The following MIA2 variants were observed in gnomAD, a reference collection of about 807,000 sequenced individuals.
MIA2 encodes melanoma inhibitory activity protein 2.
A neutral mutation model predicts 167.8 loss-of-function variants in MIA2; 127 were observed. The observed-to-expected ratio is 0.76, with a 90% CI of 0.66 to 0.88. The LOEUF (loss-of-function observed/expected upper bound fraction) is 0.88. Ranked by LOEUF, MIA2 falls within the 40% of genes least tolerant of loss-of-function variation. The pLI is 0.00. For missense variants in MIA2, 1,690 were observed against 1,624.7 expected (o/e 1.04, Z -0.69); for synonymous variants, 552 against 541.9 (o/e 1.02, Z -0.26).
intron 1 of MIA2, 92 bp downstream of exon 1, chr14:39,234,321 A>C: frequency 3.0e-6 from 2 of 668,252 alleles, no homozygotes; most frequent in Non-Finnish European, 5.0e-6. Flanking sequence ...AAAAATGAGT[A>C]TTGATACCAT....
Position 39,267,598 on chromosome 14 carries a change from C to T in MIA2, c.1888-9336C>T. The T allele has an allele frequency of 3.2e-6, 5 of 1,549,802 alleles. No homozygotes were observed. The East Asian group carries it at 6.9e-5, about 21-fold the overall frequency. ...CCGGGGGAAGGAAGCAGTAGACCGG[C>T]TTTGGGGTCTAAGCCGCCGTGGTCA... On this transcript the variant is annotated intron_variant, in intron 6 of 28. Coordinates refer to ENST00000640607, the MANE Select transcript of MIA2 (RefSeq NM_001329214.4).
chr14:39,260,992 T>TC (rs2055075682), intron 6 of MIA2, among the ~76,000 whole-genome samples: 1 of 152,086 alleles, frequency 6.6e-6, no homozygotes, highest in African/African-American at 2.4e-5. Context: ...TGTTTTTTTT[T>TC]CTTTTTTTAA....
At chr14:39,267,115 GGCTGTCCGC>G in intron 6 of MIA2, 1 of 1,129,686 alleles carries the variant, frequency 8.9e-7, no homozygotes, top group East Asian at 6.3e-5. Flanking sequence ...GGAAGTTTGC[GGCTGTCCGC>G]GCCTCCCCGC....
rs565387185 is a variant in MIA2 at position 39,269,040 on chromosome 14, C to CTCTAGTCT, written c.1888-7893_1888-7886dup. On this transcript the variant is annotated intron_variant, in intron 6 of 28. Coordinates refer to ENST00000640607, the MANE Select transcript of MIA2 (RefSeq NM_001329214.4). ...AAATGCAGCCAGATTTTGCAGTTTTCTCTAGTCTGGTGCGTTGTATCTTCA... is the reference window on the plus strand; with the variant it reads ...AAATGCAGCCAGATTTTGCAGTTTTCTCTAGTCTTCTAGTCTGGTGCGTTGTATCTTCA... 1.5e-5 allele frequency: 13 copies of CTCTAGTCT among 858,036 alleles called. 1 individual carries two copies. The South Asian group carries it at 7.1e-4, about 47-fold the overall frequency. 53.2% of individuals were successfully genotyped at this position (858,036 alleles called of 1,614,324 possible).
chr14:39,268,804 AAT>A (rs1253848221), intron 6 of MIA2, among the ~76,000 whole-genome samples: 1 of 152,212 alleles, frequency 6.6e-6, no homozygotes, highest in Non-Finnish European at 1.5e-5. Flanking sequence ...TAAGAGCTAA[AAT>A]ATGTTTGACT....
At chr14:39,252,053 A>G (rs1315155503) in intron 4 of MIA2, among the ~76,000 whole-genome samples, 6 of 111,990 alleles carry the variant, frequency 5.4e-5, no homozygotes, top group African/African-American at 2.6e-4. Flanking sequence ...TTTTAAAAGT[A>G]ATTTTTAGGA....
chr14:39,331,356 C>T (rs2068831491), intron 25 of MIA2, among the ~76,000 whole-genome samples: 1 of 152,154 alleles, frequency 6.6e-6, no homozygotes, highest in Admixed American at 6.5e-5. Flanking sequence ...TGTCTATGCA[C>T]ATGAGATGGG....
At chr14:39,266,662 C>T (rs1423849696) in intron 6 of MIA2, 4 of 985,452 alleles carry the variant, frequency 4.1e-6, no homozygotes, top group Non-Finnish European at 4.8e-6. Flanking sequence ...CCGGCGCGTG[C>T]CCCGCAGGCC....
At chr14:39,238,185 T>C (rs532048330) in intron 2 of MIA2, among the ~76,000 whole-genome samples, 18 of 151,892 alleles carry the variant, frequency 1.2e-4, no homozygotes, top group African/African-American at 2.9e-4. Context: ...AAGTTTTTTT[T>C]TTTTATTGAG....
In MIA2 at chr14:39,285,606, G is replaced by A. The variant is rs1464872969; in HGVS notation, c.2131-5413G>A. On this transcript the variant is annotated intron_variant, in intron 9 of 28. Coordinates refer to ENST00000640607, the MANE Select transcript of MIA2 (RefSeq NM_001329214.4). The stretch of plus-strand genomic sequence containing the variant: ...TCCCTCCCGGACGGGGCGGCTGGCC[G>A]GGCGGGGGCTGCCCCCCACCTCCCT... 4.7e-5 allele frequency among the ~76,000 whole-genome samples: 7 copies of A among 149,758 alleles called. 1 individual carries two copies. The highest frequency in any genetic ancestry group is 1.3e-4 in the Admixed American group (2 of 15,136).
At chr14:39,263,773 A>T (rs2055266064) in intron 6 of MIA2, among the ~76,000 whole-genome samples, 1 of 151,884 alleles carries the variant, frequency 6.6e-6, no homozygotes, top group South Asian at 2.1e-4. Context: ...CTGGGATTAC[A>T]GGTGCACACT....
intron 6 of MIA2, among the ~76,000 whole-genome samples, chr14:39,261,460 G>A (rs1361384251): frequency 2.0e-5 from 3 of 152,116 alleles, no homozygotes; most frequent in Admixed American, 2.0e-4. Context: ...ACGTGTGCAG[G>A]TGCCTTTATA....
At chr14:39,354,964 C>T (rs970352892), downstream of MIA2, among the ~76,000 whole-genome samples, 1 of 151,904 alleles carries the variant, frequency 6.6e-6, no homozygotes, top group Non-Finnish European at 1.5e-5. Flanking sequence ...GTTACTGTAG[C>T]CTTGTAGTAT....
chr14:39,374,118 A>G (rs2075002852), intron 23 of MIA2, among the ~76,000 whole-genome samples: 1 of 152,268 alleles, frequency 6.6e-6, no homozygotes, highest in Non-Finnish European at 1.5e-5. Flanking sequence ...GATAGAATGA[A>G]AAGTCCAATA....
At chr14:39,346,587 T>TA (rs1387218112) in intron 26 of MIA2, among the ~76,000 whole-genome samples, 1 of 151,308 alleles carries the variant, frequency 6.6e-6, no homozygotes, top group African/African-American at 2.4e-5. Context: ...GTTAAGAAAA[T>TA]AAAAATTTTT....
At chr14:39,295,401 C>T (rs1044734815) in intron 13 of MIA2, among the ~76,000 whole-genome samples, 1 of 152,016 alleles carries the variant, frequency 6.6e-6, no homozygotes, top group African/African-American at 2.4e-5. Flanking sequence ...GTGACATTTG[C>T]CCTCTTTCTC....
At chr14:39,329,155 G>A (rs753517875) in intron 25 of MIA2, among the ~76,000 whole-genome samples, 13 of 152,248 alleles carry the variant, frequency 8.5e-5, no homozygotes, top group Non-Finnish European at 1.3e-4. Context: ...GCAGTGGTTT[G>A]TAGTTCTCCT....
chr14:39,331,718 C>T (rs1371293003), intron 25 of MIA2, among the ~76,000 whole-genome samples: 1 of 152,096 alleles, frequency 6.6e-6, no homozygotes, highest in African/African-American at 2.4e-5. Context: ...ACTTATAAAG[C>T]TTAGTTTGGC....
intron 6 of MIA2, chr14:39,276,575 A>G (rs2058033575): frequency 6.3e-6 from 1 of 157,604 alleles, no homozygotes; most frequent in African/African-American, 2.4e-5. Flanking sequence ...GGGAAATTGT[A>G]TATTGGGGAA....
Sources: gnomAD v4.1 joint callset for allele counts (sites outside exome capture counted in the v4.1 genomes callset) on GRCh38, gnomAD v4.1.1 for gene constraint, MANE v1.5 for transcripts, NCBI Gene and HGNC (gene_info 2026-07-23, HGNC 2026-07-21) for gene names.